Variants in ADORA2B observed in about 807,000 individuals in gnomAD.
The protein encoded by ADORA2B is adenosine receptor A2b.
In ADORA2B, 18 loss-of-function variants were observed where a neutral mutation model predicts 20.8. That is an observed-to-expected ratio of 0.87 (90% CI 0.60 to 1.29). ADORA2B has a LOEUF of 1.29. Ranked by LOEUF, ADORA2B falls within the 50% of genes most tolerant of loss-of-function variation. The pLI is 0.00. For synonymous variants in ADORA2B, 179 were observed against 178.3 expected (o/e 1.00, Z -0.03); for missense variants, 441 against 422.7 (o/e 1.04, Z -0.38).
At chr17:15,904,132 T>A in the ADORA2B span, among the ~76,000 whole-genome samples, 6 of 150,880 alleles carry the variant, frequency 4.0e-5, no homozygotes, top group African/African-American at 1.5e-4. Context: ...TTTTAACTTT[T>A]AAAAAATTAT....
At chr17:15,926,781 C>A in the ADORA2B span, among the ~76,000 whole-genome samples, 18 of 151,846 alleles carry the variant, frequency 1.2e-4, no homozygotes, top group African/African-American at 4.4e-4. Flanking sequence ...CCAGCCTAGG[C>A]AAGATAGTGA....
At chr17:15,881,548 A>G in the ADORA2B span, among the ~76,000 whole-genome samples, 8 of 152,286 alleles carry the variant, frequency 5.3e-5, no homozygotes, top group South Asian at 1.4e-3. Context: ...CATCATCCCA[A>G]ACTGAGCTCT....
chr17:15,953,752 G>A (rs1011601483), intron 1 of ADORA2B, among the ~76,000 whole-genome samples: 5 of 152,150 alleles, frequency 3.3e-5, no homozygotes, highest in African/African-American at 4.8e-5. Context: ...TACTGTGAGC[G>A]CGCTGCCTCT....
At chr17:15,852,773 T>C in the ADORA2B span, among the ~76,000 whole-genome samples, 1 of 151,942 alleles carries the variant, frequency 6.6e-6, no homozygotes, top group African/African-American at 2.4e-5. Flanking sequence ...TCAGAGAGGC[T>C]TAAGGAACTA....
the ADORA2B span, among the ~76,000 whole-genome samples, chr17:15,885,675 C>T: frequency 1.3e-5 from 2 of 150,544 alleles, no homozygotes; most frequent in Non-Finnish European, 2.9e-5. Flanking sequence ...GATTGTGCCA[C>T]TGCACTCCAG....
chr17:15,913,304 T>C, the ADORA2B span, among the ~76,000 whole-genome samples: 1 of 152,250 alleles, frequency 6.6e-6, no homozygotes, highest in African/African-American at 2.4e-5. Flanking sequence ...GCTAAATAGA[T>C]AATTTTTGAT....
chr17:15,903,926 C>T, the ADORA2B span, among the ~76,000 whole-genome samples: 2 of 152,016 alleles, frequency 1.3e-5, no homozygotes, highest in African/African-American at 4.8e-5. Flanking sequence ...TATTTCCCAG[C>T]CCATCTTCTT....
chr17:15,869,496 G>A, the ADORA2B span, among the ~76,000 whole-genome samples: 2 of 152,090 alleles, frequency 1.3e-5, no homozygotes, highest in South Asian at 2.1e-4. Flanking sequence ...GTTATATTAT[G>A]ACCTATAATT....
intron 1 of ADORA2B, among the ~76,000 whole-genome samples, chr17:15,949,528 A>G (rs1325656684): frequency 6.6e-6 from 1 of 152,150 alleles, no homozygotes; most frequent in African/African-American, 2.4e-5. Context: ...TACACAAAAA[A>G]TTAAGCTATA....
the ADORA2B span, among the ~76,000 whole-genome samples, chr17:15,894,645 T>A: frequency 6.6e-6 from 1 of 152,100 alleles, no homozygotes; most frequent in Non-Finnish European, 1.5e-5. Flanking sequence ...TAGAAATATG[T>A]CTTAGACAGA....
the ADORA2B span, among the ~76,000 whole-genome samples, chr17:15,886,372 G>A: frequency 7.7e-6 from 1 of 129,716 alleles, no homozygotes; most frequent in South Asian, 2.3e-4. Flanking sequence ...CCCTGTGGGT[G>A]TACTTGTCAG....
chr17:15,888,241 G>A, the ADORA2B span, among the ~76,000 whole-genome samples: 1 of 129,356 alleles, frequency 7.7e-6, no homozygotes, highest in South Asian at 2.3e-4. Context: ...CTGAAACACA[G>A]TGGATTAGAA....
chr17:15,882,589 G>T, the ADORA2B span, among the ~76,000 whole-genome samples: 17 of 152,136 alleles, frequency 1.1e-4, no homozygotes, highest in African/African-American at 3.9e-4. Flanking sequence ...TAAAACAAAA[G>T]AAAGGTTCTT....
chr17:15,921,250 CACTT>C, the ADORA2B span, among the ~76,000 whole-genome samples: 2 of 152,234 alleles, frequency 1.3e-5, no homozygotes, highest in Non-Finnish European at 2.9e-5. Context: ...TTCTAGGTCT[CACTT>C]ACAATTTAAA....
chr17:15,851,456 G>A, the ADORA2B span, among the ~76,000 whole-genome samples: 2 of 151,684 alleles, frequency 1.3e-5, no homozygotes, highest in Non-Finnish European at 2.9e-5. Context: ...GTCCATGCCA[G>A]CACACCATGC....
At chr17:15,937,565 TTTTCC>T in the ADORA2B span, among the ~76,000 whole-genome samples, 52 of 152,036 alleles carry the variant, frequency 3.4e-4, no homozygotes, top group African/African-American at 1.2e-3. Context: ...AGCTTTTCTT[TTTTCC>T]TTTTCTTTTC....
upstream of ADORA2B, among the ~76,000 whole-genome samples, chr17:15,942,285 G>A (rs1190308790): frequency 6.6e-6 from 1 of 151,974 alleles, no homozygotes; most frequent in African/African-American, 2.4e-5. Context: ...ACTAGATCCG[G>A]TTGTTAAAAA....
chr17:15,891,845 C>CTTTTT, the ADORA2B span, among the ~76,000 whole-genome samples: 1 of 107,846 alleles, frequency 9.3e-6, no homozygotes, highest in Non-Finnish European at 1.8e-5. Flanking sequence ...CAATGCCCAG[C>CTTTTT]TTTTTTTTTT....
rs1970077213 is a variant in ADORA2B at position 15,964,517 on chromosome 17, G to A, written c.336-10162G>A. ...CCAGCTACTCAGGAGGCTGAGGCAG[G>A]AGAATCGCTTGAACCTGGGAGGTGG... On this transcript the variant is annotated intron_variant, in intron 1 of 1. Transcript: ENST00000304222. Among the ~76,000 whole-genome samples the A allele has an allele frequency of 1.3e-5, 2 of 150,990 alleles. 1 individual carries two copies. Among genetic ancestry groups the A allele is most frequent in the African/African-American group, 4.9e-5 (2 of 40,754 alleles).
Sources: gnomAD v4.1 joint callset for allele counts (sites outside exome capture counted in the v4.1 genomes callset) on GRCh38, gnomAD v4.1.1 for gene constraint, MANE v1.5 for transcripts, NCBI Gene and HGNC (gene_info 2026-07-23, HGNC 2026-07-21) for gene names.